KAT7: variants seen among roughly 807,000 people sequenced by gnomAD.
KAT7 encodes the protein lysine acetyltransferase 7.
A neutral mutation model predicts 82.1 loss-of-function variants in KAT7; 10 were observed. The observed-to-expected ratio is 0.12, with a 90% confidence interval of 0.08 to 0.21. KAT7 has a LOEUF of 0.21. Among genes scored for constraint, KAT7 ranks in the 10% least tolerant of loss-of-function variants. The pLI is 1.00. For synonymous variants in KAT7, 250 were observed against 262.5 expected, an observed-to-expected ratio of 0.95 and a Z score of 0.46; for missense variants, 378 against 760.9, an observed-to-expected ratio of 0.50 and a Z score of 5.92.
intron 7 of KAT7, among the ~76,000 whole-genome samples, chr17:49,812,337 G>A (rs866863045): frequency 2.1e-5 from 3 of 139,556 alleles, no homozygotes; most frequent in East Asian, 2.1e-4. Context: ...TAATTCTCCC[G>A]CCTCAGCCTC....
At position 49,815,706 on chromosome 17, in the gene KAT7, T is replaced by A. The variant is rs888044768; in HGVS notation, c.853-97T>A. 5.2e-6 allele frequency: 4 copies of A among 772,052 alleles called. No homozygotes were observed. In the African/African-American group the frequency reaches 6.9e-5, roughly 13 times the overall value. 47.8% of individuals were successfully genotyped at this position (772,052 alleles called of 1,614,324 possible). A position where few individuals can be genotyped will look rare whatever the true frequency, so the allele number is the denominator to read the frequency against. On this transcript the variant is annotated intron_variant, in intron 7 of 14. Transcript: ENST00000259021. ...AGTATGTAGGCACTAAATAAATAGC[T>A]TATGGTTGTGTGGTTTGCATGGATT...
intron 7 of KAT7, among the ~76,000 whole-genome samples, chr17:49,811,853 GTTA>G (rs1214913368): frequency 6.6e-6 from 1 of 152,116 alleles, no homozygotes; most frequent in East Asian, 1.9e-4. Flanking sequence ...ATCTTAAAGG[GTTA>G]AATTTACCCG....
At chr17:49,793,117 A>G (rs1393117924) in intron 2 of KAT7, among the ~76,000 whole-genome samples, 1 of 152,148 alleles carries the variant, frequency 6.6e-6, no homozygotes, top group Non-Finnish European at 1.5e-5. Context: ...TCAGCCTGTA[A>G]ATGCATTTTT....
chr17:49,801,720 G>T (rs1164364927), intron 4 of KAT7, among the ~76,000 whole-genome samples: 2 of 151,598 alleles, frequency 1.3e-5, no homozygotes, highest in Admixed American at 1.3e-4. Flanking sequence ...GAACTCCTGG[G>T]CTCAAGTGAC....
intron 11 of KAT7, among the ~76,000 whole-genome samples, chr17:49,822,147 T>C (rs2074311930): frequency 6.6e-6 from 1 of 152,150 alleles, no homozygotes; most frequent in African/African-American, 2.4e-5. Context: ...ATATACTCTT[T>C]TTGCCTGATT....
chr17:49,802,004 T>G (rs915219952), intron 4 of KAT7, among the ~76,000 whole-genome samples: 3 of 152,242 alleles, frequency 2.0e-5, no homozygotes, highest in African/African-American at 7.2e-5. Context: ...TATGTACACA[T>G]ATTTCCTTTT....
At position 49,832,799 on chromosome 17, in the gene KAT7, T is replaced by A. The variant is rs755780353; in HGVS notation, c.*5297T>A. 2.0e-5 allele frequency: 3 copies of A among 152,242 alleles called. No homozygotes were observed. The highest frequency in any genetic ancestry group is 4.4e-5 in the Non-Finnish European group (3 of 68,056). 9.4% of individuals were successfully genotyped at this position (152,242 alleles called of 1,614,324 possible). ...TGTTGAATGTCATGAGAATAAAATATGAAAACTACTTTGCTGAATGATAGT... is the reference window on the plus strand; with the variant it reads ...TGTTGAATGTCATGAGAATAAAATAAGAAAACTACTTTGCTGAATGATAGT... On this transcript the variant is annotated 3_prime_UTR_variant, in exon 15 of 15. Transcript: ENST00000259021.
intron 5 of KAT7, 84 bp from the exon 6 acceptor site, chr17:49,809,035 A>G: frequency 9.7e-7 from 1 of 1,026,920 alleles, no homozygotes; most frequent in Non-Finnish European, 1.5e-6. Flanking sequence ...ACATAAATCC[A>G]AGGCATTATC....
chr17:49,796,463 TA>T (rs934892249), intron 2 of KAT7, among the ~76,000 whole-genome samples: 2 of 152,130 alleles, frequency 1.3e-5, no homozygotes, highest in Admixed American at 6.5e-5. Context: ...TTGGAGAAAA[TA>T]ACTTGCCCAA....
intron 14 of KAT7, chr17:49,827,194 T>A (rs1048292004): frequency 1.8e-6 from 1 of 551,244 alleles, no homozygotes; most frequent in South Asian, 2.7e-5. Flanking sequence ...CGGTGAGCGA[T>A]GATTTTCATT....
chr17:49,801,326 A>G (rs2074022090), intron 4 of KAT7, among the ~76,000 whole-genome samples: 1 of 152,110 alleles, frequency 6.6e-6, no homozygotes. Flanking sequence ...TGGGGATTAC[A>G]GGCATGTGCC....
chr17:49,809,307 G>T (rs975732077), intron 6 of KAT7, 99 bp downstream of exon 6: 1 of 798,170 alleles, frequency 1.3e-6, no homozygotes, highest in Non-Finnish European at 2.1e-6. Context: ...CTCATTTCCT[G>T]TGGTATATCT....
chr17:49,815,977 A>T, intron 8 of KAT7, 64 bp downstream of exon 8: 1 of 914,904 alleles, frequency 1.1e-6, no homozygotes, highest in Non-Finnish European at 1.8e-6. Flanking sequence ...GCCAGGAAAA[A>T]TGATTGCAAA....
At chr17:49,819,477 C>T (rs2074275571) in intron 9 of KAT7, among the ~76,000 whole-genome samples, 1 of 152,160 alleles carries the variant, frequency 6.6e-6, no homozygotes, top group Non-Finnish European at 1.5e-5. Context: ...ATGTGAACTG[C>T]TTACCATTTA....
chr17:49,809,238 C>A, intron 6 of KAT7, 30 bp downstream of exon 6: 1 of 1,564,194 alleles, frequency 6.4e-7, no homozygotes, highest in South Asian at 1.1e-5. Flanking sequence ...ACTGGCCATT[C>A]ATAGTTTGAG....
At chr17:49,826,847 C>T (rs1460590496) in intron 14 of KAT7, 48 bp downstream of exon 14, 2 of 1,250,498 alleles carry the variant, frequency 1.6e-6, no homozygotes, top group Non-Finnish European at 2.3e-6. Flanking sequence ...TCCTTCAAGA[C>T]TTAGCAGAGC....
At position 49,815,784 on chromosome 17, in the gene KAT7, G is replaced by A. The variant is rs368177767; in HGVS notation, c.853-19G>A. On this transcript the variant is annotated intron_variant, in intron 7 of 14. Transcript: ENST00000259021. ...GAAGCAGAGAGTATCAGAGTATCAC[G>A]CTCTGGTTATTTTCCTAGGAACACA... 9.9e-6 allele frequency: 14 copies of A among 1,417,324 alleles called. No homozygotes were observed. The highest frequency in any genetic ancestry group is 8.5e-5 in the African/African-American group (6 of 70,906). 87.8% of individuals were successfully genotyped at this position (1,417,324 alleles called of 1,614,324 possible).
chr17:49,804,295 C>T (rs1184012827), intron 4 of KAT7, among the ~76,000 whole-genome samples: 4 of 151,560 alleles, frequency 2.6e-5, no homozygotes, highest in African/African-American at 4.9e-5. Context: ...GGGAGAATGG[C>T]GTGAACCCAG....
chr17:49,805,901 T>C (rs2074086066), intron 5 of KAT7, among the ~76,000 whole-genome samples: 1 of 152,240 alleles, frequency 6.6e-6, no homozygotes, highest in South Asian at 2.1e-4. Context: ...AAATACTTTT[T>C]GTTACTCTCA....
Sources: gnomAD v4.1 joint callset for allele counts (sites outside exome capture counted in the v4.1 genomes callset) on GRCh38, gnomAD v4.1.1 for gene constraint, MANE v1.5 for transcripts, NCBI Gene and HGNC (gene_info 2026-07-23, HGNC 2026-07-21) for gene names.